The following ITGAE variants were observed in gnomAD, a reference collection of about 807,000 sequenced individuals.
The protein encoded by ITGAE is integrin subunit alpha E.
A neutral mutation model predicts 136.5 loss-of-function variants in ITGAE; 99 were observed. The observed-to-expected ratio is 0.73, with a 90% CI of 0.62 to 0.86. ITGAE has a LOEUF of 0.86. ITGAE is among the 40% of genes least tolerant of loss of function. The pLI, the probability that ITGAE is intolerant of heterozygous loss-of-function variation, is 0.00. For missense variants in ITGAE, 1,447 were observed against 1,515.3 expected (o/e 0.95, Z 0.75); for synonymous variants, 613 against 591.8 (o/e 1.04, Z -0.52).
At chr17:3,761,629 G>A (rs575984502) in intron 4 of ITGAE, 109 bp from the exon 5 acceptor site, 2 of 1,035,390 alleles carry the variant, frequency 1.9e-6, no homozygotes, top group South Asian at 1.6e-5. Flanking sequence ...CCAGGCAGGG[G>A]GCACAGGAAG....
At chr17:3,795,465 G>C (rs993625735) in intron 1 of ITGAE, among the ~76,000 whole-genome samples, 2 of 152,244 alleles carry the variant, frequency 1.3e-5, no homozygotes, top group Non-Finnish European at 2.9e-5. Flanking sequence ...TGCCTTCCAG[G>C]CACCACGCTA....
intron 1 of ITGAE, chr17:3,784,303 A>G: frequency 2.8e-6 from 1 of 361,476 alleles, no homozygotes; most frequent in South Asian, 2.1e-5. Context: ...AAAGCAGACC[A>G]AAAATTGAGC....
At chr17:3,745,039 A>AT (rs1340391520) in intron 18 of ITGAE, among the ~76,000 whole-genome samples, 1 of 152,214 alleles carries the variant, frequency 6.6e-6, no homozygotes, top group Non-Finnish European at 1.5e-5. Flanking sequence ...TAAACGATCC[A>AT]TATAGATCCA....
rs146208694 is a variant in ITGAE at position 3,723,695 on chromosome 17, G to A, written c.3134C>T (p.Ser1045Leu). The A allele has an allele frequency of 6.3e-7, 1 of 1,599,560 alleles. No homozygotes were observed. Among genetic ancestry groups the A allele is most frequent in the Non-Finnish European group, 8.5e-7 (1 of 1,172,786 alleles). ...WSQERACAYS[S>L]VQHVEEWHSV... ...CGGGACGGCCGCGCTTACCTGAACC[G>A]AACTGTACGCACAAGCGCGCTCCTG... Residue 1045 changes from serine (S) to leucine (L), a missense_variant, in exon 27 of 31, where the codon TCG becomes TTG. Coordinates refer to ENST00000263087, the MANE Select transcript of ITGAE (RefSeq NM_002208.5).
intron 9 of ITGAE, 61 bp from the exon 10 acceptor site, chr17:3,757,195 GAGCTGA>G: frequency 1.3e-6 from 2 of 1,572,676 alleles, no homozygotes; most frequent in Admixed American, 3.6e-5. Flanking sequence ...CCCAGGGAGA[GAGCTGA>G]GCCCCTCCAT....
At chr17:3,747,404 G>A (rs551701272) in intron 17 of ITGAE, among the ~76,000 whole-genome samples, 67 of 151,892 alleles carry the variant, frequency 4.4e-4, no homozygotes, top group African/African-American at 1.5e-3. Context: ...TGCAAGCTCC[G>A]TCTCCTGGGT....
In ITGAE at chr17:3,793,877, C is replaced by T. The variant is rs544274620; in HGVS notation, c.34+7234G>A. Among the ~76,000 whole-genome samples, 3 of 151,924 alleles carry T rather than the reference C, an allele frequency of 2.0e-5. No individual in the cohort carries two copies. The East Asian group carries it at 5.8e-4, about 30-fold the overall frequency. ...GAGAATCTGATGGAAGCATTGGAGC[C>T]CTTCCTGATCCCCTGAGTGCACATG... On this transcript the variant is annotated intron_variant, in intron 1 of 30. Transcript: ENST00000263087.
intron 4 of ITGAE, 64 bp downstream of exon 4, chr17:3,761,851 G>T: frequency 1.4e-6 from 2 of 1,411,444 alleles, no homozygotes; most frequent in Non-Finnish European, 9.9e-7. Flanking sequence ...TCAACACCAG[G>T]GTCAACCACG....
At chr17:3,730,451 C>CA (rs1335957777) in intron 23 of ITGAE, 3 of 90,850 alleles carry the variant, frequency 3.3e-5, no homozygotes, top group Admixed American at 1.9e-4. Flanking sequence ...GACTCTGTCT[C>CA]AAAAAATAAA....
intron 29 of ITGAE, among the ~76,000 whole-genome samples, chr17:3,718,689 T>C (rs111954362): frequency 2.0e-4 from 31 of 152,294 alleles, no homozygotes; most frequent in African/African-American, 7.5e-4. Context: ...AAAGTATCAG[T>C]AAGTAAGAGG....
chr17:3,720,406 G>C lies in ITGAE; in HGVS notation c.3238-4C>G, dbSNP rs770049609. On this transcript the variant is annotated splice_polypyrimidine_tract_variant and splice_region_variant and intron_variant, in intron 28 of 30. Transcript: ENST00000263087. Reference sequence around the variant, plus strand: ...GTTCAGTTACATCTTTTAGTAACTAGAAGATGGGGAAAGGAATGAGGGAAA... The same window carrying C: ...GTTCAGTTACATCTTTTAGTAACTACAAGATGGGGAAAGGAATGAGGGAAA... 2 of 1,306,362 alleles carry C rather than the reference G, an allele frequency of 1.5e-6. No individual in the cohort carries two copies. Among genetic ancestry groups the C allele is most frequent in the Non-Finnish European group, 2.2e-6 (2 of 899,538 alleles). The allele number at this position is 1,306,362 out of a possible 1,614,324, so 80.9% of individuals were successfully genotyped here.
intron 24 of ITGAE, among the ~76,000 whole-genome samples, chr17:3,728,952 C>T (rs1260233106): frequency 6.6e-6 from 1 of 151,648 alleles, no homozygotes. Flanking sequence ...AGGAGAATCG[C>T]TTGAACCTGG....
chr17:3,800,975 G>T, intron 1 of ITGAE, 136 bp downstream of exon 1: 1 of 1,011,534 alleles, frequency 9.9e-7, no homozygotes, highest in Non-Finnish European at 1.5e-6. Flanking sequence ...CTCCTTTCCT[G>T]GAGGAGCTGC....
intron 1 of ITGAE, among the ~76,000 whole-genome samples, chr17:3,784,757 T>G (rs1012182971): frequency 2.0e-5 from 3 of 152,152 alleles, no homozygotes; most frequent in Non-Finnish European, 4.4e-5. Flanking sequence ...ATCACAAAGC[T>G]AAAGCCTCAA....
intron 1 of ITGAE, among the ~76,000 whole-genome samples, chr17:3,778,507 G>C (rs1000459490): frequency 5.3e-5 from 8 of 152,174 alleles, no homozygotes; most frequent in Non-Finnish European, 1.0e-4. Context: ...AGGTTGCAGT[G>C]AGCCGAGATT....
chr17:3,747,587 G>A (rs983836724), intron 17 of ITGAE, among the ~76,000 whole-genome samples: 2 of 152,202 alleles, frequency 1.3e-5, no homozygotes, highest in Non-Finnish European at 2.9e-5. Flanking sequence ...GGGATTACAG[G>A]CGTGAGCCAC....
At chr17:3,750,212 C>A in intron 16 of ITGAE, 140 bp downstream of exon 16, 1 of 1,220,094 alleles carries the variant, frequency 8.2e-7, no homozygotes, top group Admixed American at 2.3e-5. Context: ...CAAACCCAGA[C>A]GGGCAGACTC....
chr17:3,747,617 CT>C (rs1446334194), intron 17 of ITGAE, among the ~76,000 whole-genome samples: 1 of 151,962 alleles, frequency 6.6e-6, no homozygotes, highest in African/African-American at 2.4e-5. Flanking sequence ...CCTTCTGAGT[CT>C]TTTTTTTCAG....
Position 3,734,415 on chromosome 17 carries a change from G to A in ITGAE, c.2655+402C>T, listed in dbSNP as rs186830078. ...TGATTTTAGAGAATAAAATTTCTCA[G>A]TGCAGTGATACTTGTCAGCCACAGG... On this transcript the variant is annotated intron_variant, in intron 21 of 30. Transcript: ENST00000263087. Among the ~76,000 whole-genome samples the A allele has an allele frequency of 3.0e-3, 457 of 152,316 alleles. 4 individuals are homozygous for A. The highest frequency in any genetic ancestry group is 0.01 in the African/African-American group (432 of 41,576).
Sources: allele counts gnomAD v4.1 joint callset (sites outside exome capture counted in the v4.1 genomes callset), GRCh38; gene constraint gnomAD v4.1.1; transcripts MANE v1.5; gene names NCBI Gene and HGNC (gene_info 2026-07-23, HGNC 2026-07-21).